The following TGFBR3 variants were observed in gnomAD, a reference collection of about 807,000 sequenced individuals.
TGFBR3 encodes the protein transforming growth factor beta receptor type 3.
In TGFBR3, 46 loss-of-function variants were observed where a neutral mutation model predicts 87.9. The ratio of observed to expected loss-of-function variants is 0.52; its 90% CI spans 0.41 to 0.67. The LOEUF is 0.67. Among genes scored for constraint, TGFBR3 ranks in the 30% least tolerant of loss-of-function variants. The pLI is 0.00. For synonymous variants in TGFBR3, 381 were observed against 391.6 expected, an observed-to-expected ratio of 0.97 and a Z score of 0.32; for missense variants, 866 against 1,041.9, an observed-to-expected ratio of 0.83 and a Z score of 2.32.
intron 2 of TGFBR3, among the ~76,000 whole-genome samples, chr1:91,834,368 G>A (rs1174068423): frequency 1.3e-5 from 2 of 152,150 alleles, no homozygotes; most frequent in Non-Finnish European, 2.9e-5. Flanking sequence ...AGTAACAGAC[G>A]CTGCTGAGAT....
rs17879470 is a variant in TGFBR3, at chr1:91,709,495, T to C, written c.2167-712A>G. Among the ~76,000 whole-genome samples the C allele has an allele frequency of 4.3e-3, 652 of 152,336 alleles. 2 individuals are homozygous for C. The highest frequency in any genetic ancestry group is 7.3e-3 in the Non-Finnish European group (500 of 68,032). On this transcript the variant is annotated intron_variant, in intron 13 of 16. Coordinates refer to ENST00000212355, the MANE Select transcript of TGFBR3 (RefSeq NM_003243.5). ...GATTTTACATTTTTCTCCAATAAGA[T>C]AATCATGTTGCTGAGTTTGTTTCAT... is the stretch of plus-strand genomic sequence containing the variant.
chr1:91,709,490 T>C (rs189918316), intron 13 of TGFBR3, among the ~76,000 whole-genome samples: 2 of 152,352 alleles, frequency 1.3e-5, no homozygotes, highest in Admixed American at 1.3e-4. Flanking sequence ...TTTTCTCCAA[T>C]AAGATAATCA....
At chr1:91,708,174 A>T (rs957418476) in intron 14 of TGFBR3, among the ~76,000 whole-genome samples, 9 of 152,226 alleles carry the variant, frequency 5.9e-5, no homozygotes, top group Non-Finnish European at 4.4e-5. Flanking sequence ...TTTAAGATGC[A>T]TTTGGGCAGT....
At chr1:91,795,305 A>G (rs1051309309) in intron 3 of TGFBR3, among the ~76,000 whole-genome samples, 4 of 152,270 alleles carry the variant, frequency 2.6e-5, no homozygotes, top group African/African-American at 9.6e-5. Context: ...TCGAAAGAGA[A>G]TAATGTTCAG....
At chr1:91,757,597 C>G (rs1673793010) in intron 4 of TGFBR3, among the ~76,000 whole-genome samples, 1 of 152,198 alleles carries the variant, frequency 6.6e-6, no homozygotes, top group Admixed American at 6.5e-5. Flanking sequence ...TTTGCTCCTT[C>G]TAGATTTTCT....
intron 16 of TGFBR3, among the ~76,000 whole-genome samples, chr1:91,689,432 A>AT (rs1671197944): frequency 6.6e-6 from 1 of 152,158 alleles, no homozygotes; most frequent in Non-Finnish European, 1.5e-5. Flanking sequence ...GCTCATGGCT[A>AT]TTTTACCAGT....
intron 1 of TGFBR3, among the ~76,000 whole-genome samples, chr1:91,885,651 C>A (rs1054692026): frequency 3.3e-5 from 5 of 152,188 alleles, no homozygotes; most frequent in African/African-American, 7.2e-5. Flanking sequence ...CTGCCTGCCC[C>A]GTGCGGCCGC....
intron 2 of TGFBR3, among the ~76,000 whole-genome samples, chr1:91,837,076 A>G (rs1677091935): frequency 6.6e-6 from 1 of 152,150 alleles, no homozygotes; most frequent in African/African-American, 2.4e-5. Flanking sequence ...AAAAAGAAAA[A>G]TGTTAGTTCC....
At chr1:91,738,823 G>A (rs544514788) in intron 4 of TGFBR3, among the ~76,000 whole-genome samples, 13 of 152,350 alleles carry the variant, frequency 8.5e-5, no homozygotes, top group African/African-American at 3.1e-4. Context: ...ACAGTGGAGA[G>A]ACACAGTGGA....
At chr1:91,774,248 C>T (rs572830275) in intron 3 of TGFBR3, among the ~76,000 whole-genome samples, 1 of 152,140 alleles carries the variant, frequency 6.6e-6, no homozygotes, top group East Asian at 1.9e-4. Flanking sequence ...AGTGATTCTC[C>T]CGCCTCAACC....
intron 2 of TGFBR3, among the ~76,000 whole-genome samples, chr1:91,808,259 C>T (rs1486786039): frequency 1.3e-5 from 2 of 152,096 alleles, no homozygotes; most frequent in Non-Finnish European, 2.9e-5. Flanking sequence ...AGACCCCCAT[C>T]TCTTTAAAAA....
Position 91,899,347 on chromosome 1 carries a change from A to C in TGFBR3, c.-114+290T>G, listed in dbSNP as rs11466553. 9.1e-3 allele frequency among the ~76,000 whole-genome samples: 1,390 copies of C among 152,176 alleles called. 20 individuals are homozygous for C. Among genetic ancestry groups the C allele is most frequent in the African/African-American group, 0.031 (1,291 of 41,512 alleles). ...ATAGTGAGATCCTGTCTCTACAAAA[A>C]ATTTAAAAATTAGCCACGTATGGTG... On this transcript the variant is annotated intron_variant, in intron 2 of 17. Coordinates refer to the TGFBR3 transcript ENST00000370399.
intron 2 of TGFBR3, among the ~76,000 whole-genome samples, chr1:91,853,916 G>A (rs1201826241): frequency 1.3e-5 from 2 of 152,140 alleles, no homozygotes; most frequent in East Asian, 1.9e-4. Context: ...GGCCAAGGCA[G>A]GAGAATCACT....
intron 3 of TGFBR3, among the ~76,000 whole-genome samples, chr1:91,769,594 G>T (rs1674303044): frequency 6.6e-6 from 1 of 151,808 alleles, no homozygotes; most frequent in South Asian, 2.1e-4. Context: ...TACTTCAAAG[G>T]CCCCACATGA....
At chr1:91,835,879 C>A (rs576408381) in intron 2 of TGFBR3, among the ~76,000 whole-genome samples, 6 of 146,918 alleles carry the variant, frequency 4.1e-5, no homozygotes, top group African/African-American at 1.3e-4. Context: ...AGAACTCTAC[C>A]ATGCCCTATG....
At chr1:91,858,867 C>T (rs923451947) in intron 2 of TGFBR3, among the ~76,000 whole-genome samples, 2 of 151,696 alleles carry the variant, frequency 1.3e-5, no homozygotes, top group South Asian at 4.2e-4. Context: ...ACCAGCCTGG[C>T]CAACATGACA....
chr1:91,859,394 T>C (rs1651471550), intron 2 of TGFBR3, among the ~76,000 whole-genome samples: 1 of 134,384 alleles, frequency 7.4e-6, no homozygotes. Context: ...GCCGCTTCTC[T>C]CCCTCTTTCT....
intron 2 of TGFBR3, among the ~76,000 whole-genome samples, chr1:91,808,159 T>C (rs1675905441): frequency 6.6e-6 from 1 of 152,234 alleles, no homozygotes; most frequent in Admixed American, 6.5e-5. Flanking sequence ...ATGTACTCCC[T>C]GTAATCATGC....
At chr1:91,804,175 A>C (rs1272919516) in intron 2 of TGFBR3, among the ~76,000 whole-genome samples, 1 of 152,016 alleles carries the variant, frequency 6.6e-6, no homozygotes, top group Admixed American at 6.5e-5. Context: ...TTATACTAAA[A>C]GGGGCAGAAA....
Sources: allele counts gnomAD v4.1 joint callset (sites outside exome capture counted in the v4.1 genomes callset), GRCh38; gene constraint gnomAD v4.1.1; transcripts MANE v1.5; gene names NCBI Gene and HGNC (gene_info 2026-07-23, HGNC 2026-07-21).